Variants in BTBD10 observed in about 807,000 individuals in gnomAD.
BTBD10 encodes the protein BTB/POZ domain-containing protein 10.
BTBD10 carries 21 observed loss-of-function variants against 53.2 expected under a neutral mutation model. The ratio of observed to expected loss-of-function variants is 0.39; its 90% CI spans 0.28 to 0.57. The LOEUF (loss-of-function observed/expected upper bound fraction) is 0.57. Among genes scored for constraint, BTBD10 ranks in the 20% least tolerant of loss-of-function variants. The pLI is 0.53. For synonymous variants in BTBD10, 149 were observed against 192.7 expected (o/e 0.77, Z 1.88); for missense variants, 360 against 594.7 (o/e 0.61, Z 4.10).
At chr11:13,455,210 G>C (rs1271028254) in intron 1 of BTBD10, among the ~76,000 whole-genome samples, 2 of 152,186 alleles carry the variant, frequency 1.3e-5, no homozygotes, top group East Asian at 3.8e-4. Context: ...ACTGCGCCCA[G>C]CCCTGTTGTC....
chr11:13,420,225 G>C (rs1000859778), intron 3 of BTBD10, among the ~76,000 whole-genome samples: 1 of 151,790 alleles, frequency 6.6e-6, no homozygotes, highest in Non-Finnish European at 1.5e-5. Flanking sequence ...ACGTTAATAA[G>C]GGCATTCTAA....
At chr11:13,395,150 G>C (rs1238166130) in intron 8 of BTBD10, among the ~76,000 whole-genome samples, 2 of 148,450 alleles carry the variant, frequency 1.3e-5, no homozygotes, top group Non-Finnish European at 3.0e-5. Flanking sequence ...CTAGTTTACA[G>C]TCCCACCAAC....
Position 13,421,853 on chromosome 11 carries a change from A to G in BTBD10, c.102-15T>C. ...GCGAGGAAGTACTGATAAGTTAGAA[A>G]GGAAAATTAACCATAAAAGCAGAAC... On this transcript the variant is annotated splice_polypyrimidine_tract_variant and intron_variant, in intron 2 of 8. Transcript: ENST00000278174. 3.8e-6 allele frequency: 6 copies of G among 1,581,720 alleles called. No individual in the cohort carries two copies. Among genetic ancestry groups the G allele is most frequent in the African/African-American group, 1.4e-5 (1 of 74,030 alleles).
chr11:13,412,725 G>A (rs11022807), intron 6 of BTBD10, among the ~76,000 whole-genome samples: 7 of 152,082 alleles, frequency 4.6e-5, no homozygotes, highest in Non-Finnish European at 7.4e-5. Flanking sequence ...TCTTTACTAC[G>A]TATTTCCACT....
intron 8 of BTBD10, among the ~76,000 whole-genome samples, chr11:13,396,023 C>A (rs1031619379): frequency 1.3e-5 from 2 of 151,926 alleles, no homozygotes; most frequent in Non-Finnish European, 2.9e-5. Context: ...GCAATGCGGG[C>A]TCTTTTTTGG....
intron 1 of BTBD10, among the ~76,000 whole-genome samples, chr11:13,458,779 T>C (rs141412307): frequency 6.6e-6 from 1 of 152,320 alleles, no homozygotes; most frequent in East Asian, 1.9e-4. Context: ...CAGGAGGTTA[T>C]GGTCTTCTCT....
chr11:13,408,630 T>A (rs1220854349), intron 6 of BTBD10, among the ~76,000 whole-genome samples: 1 of 152,200 alleles, frequency 6.6e-6, no homozygotes, highest in African/African-American at 2.4e-5. Flanking sequence ...TTGCTCCTCA[T>A]GAAGTCTCCC....
chr11:13,415,964 C>CA (rs1950097476), intron 5 of BTBD10, among the ~76,000 whole-genome samples: 1 of 149,946 alleles, frequency 6.7e-6, no homozygotes, highest in Non-Finnish European at 1.5e-5. Context: ...CCTTATGAAC[C>CA]AAAATCGCTG....
chr11:13,438,643 T>A (rs1265495789), intron 2 of BTBD10, among the ~76,000 whole-genome samples: 1 of 152,024 alleles, frequency 6.6e-6, no homozygotes, highest in East Asian at 1.9e-4. Flanking sequence ...TGTGTTATTT[T>A]AGATTTTTAT....
chr11:13,447,311 C>T (rs1950768193), intron 1 of BTBD10, among the ~76,000 whole-genome samples: 1 of 152,110 alleles, frequency 6.6e-6, no homozygotes, highest in South Asian at 2.1e-4. Context: ...GAGTGGAGTA[C>T]AATGGTGCAA....
intron 1 of BTBD10, among the ~76,000 whole-genome samples, chr11:13,460,670 A>C (rs1205865393): frequency 1.3e-5 from 2 of 152,166 alleles, no homozygotes; most frequent in Non-Finnish European, 2.9e-5. Context: ...TTCACATCAC[A>C]CTTTCTCCAC....
At chr11:13,418,445 T>C (rs1950169410) in intron 4 of BTBD10, among the ~76,000 whole-genome samples, 1 of 152,120 alleles carries the variant, frequency 6.6e-6, no homozygotes, top group African/African-American at 2.4e-5. Flanking sequence ...TACTTTTTTA[T>C]TGTTTCTATA....
chr11:13,426,224 T>G (rs7935593), intron 2 of BTBD10, among the ~76,000 whole-genome samples: 118,448 of 152,008 alleles, frequency 0.78, 46,964 homozygotes, highest in Middle Eastern at 0.88. Flanking sequence ...ACCTAGGTTT[T>G]TCACAGCCAG....
intron 1 of BTBD10, among the ~76,000 whole-genome samples, chr11:13,447,722 A>G (rs938670410): frequency 6.6e-6 from 1 of 152,220 alleles, no homozygotes; most frequent in Admixed American, 6.5e-5. Flanking sequence ...CTCAAAAATC[A>G]GCTGAAAAAT....
At chr11:13,444,472 T>TA (rs992211945) in intron 2 of BTBD10, among the ~76,000 whole-genome samples, 1 of 152,176 alleles carries the variant, frequency 6.6e-6, no homozygotes, top group Non-Finnish European at 1.5e-5. Flanking sequence ...ATGAAAGTTT[T>TA]AAAAATAATA....
chr11:13,422,798 C>T (rs540850201), intron 2 of BTBD10, among the ~76,000 whole-genome samples: 37 of 152,252 alleles, frequency 2.4e-4, no homozygotes, highest in African/African-American at 7.2e-4. Context: ...CTGATTAAAA[C>T]AGTCCAGCTT....
intron 6 of BTBD10, 120 bp from the exon 7 acceptor site, chr11:13,405,976 C>A: frequency 1.2e-6 from 1 of 862,134 alleles, no homozygotes; most frequent in East Asian, 2.6e-5. Flanking sequence ...TCATTTTACA[C>A]ATCATGAAAT....
chr11:13,397,015 G>A (rs1018658168), intron 8 of BTBD10, among the ~76,000 whole-genome samples: 2 of 152,176 alleles, frequency 1.3e-5, no homozygotes, highest in African/African-American at 4.8e-5. Context: ...TTCTGGTTGT[G>A]TCTCTGCCAG....
At chr11:13,399,279 C>T (rs1306905665) in intron 8 of BTBD10, among the ~76,000 whole-genome samples, 9 of 152,156 alleles carry the variant, frequency 5.9e-5, no homozygotes, top group Non-Finnish European at 7.4e-5. Context: ...CTTCTCTTCA[C>T]GCTTCATTTC....
Sources: allele counts gnomAD v4.1 joint callset (sites outside exome capture counted in the v4.1 genomes callset), GRCh38; gene constraint gnomAD v4.1.1; transcripts MANE v1.5; gene names NCBI Gene and HGNC (gene_info 2026-07-23, HGNC 2026-07-21).